Variants in PIP4K2B observed in about 807,000 individuals in gnomAD.
PIP4K2B encodes phosphatidylinositol 5-phosphate 4-kinase type-2 beta.
Under a neutral mutation model 42.0 loss-of-function variants are expected in PIP4K2B, and 3 were observed. The observed-to-expected ratio is 0.07, with a 90% CI of 0.03 to 0.18. The LOEUF (loss-of-function observed/expected upper bound fraction) is 0.18, where lower values mean the gene tolerates loss of function less well. PIP4K2B is among the 10% of genes least tolerant of loss of function. The pLI, the probability that PIP4K2B is intolerant of heterozygous loss-of-function variation, is 1.00. For synonymous variants in PIP4K2B, 204 were observed against 210.1 expected (o/e 0.97, Z 0.25); for missense variants, 332 against 562.3 (o/e 0.59, Z 4.14).
chr17:38,790,386 G>A (rs1368958388), intron 1 of PIP4K2B, among the ~76,000 whole-genome samples: 1 of 152,186 alleles, frequency 6.6e-6, no homozygotes. Context: ...GGAAAACAGA[G>A]ACAAAGAGTT....
intron 7 of PIP4K2B, among the ~76,000 whole-genome samples, chr17:38,772,780 A>T (rs1253472072): frequency 6.6e-6 from 1 of 152,032 alleles, no homozygotes; most frequent in African/African-American, 2.4e-5. Flanking sequence ...CAGTTTCATC[A>T]TGTTGGCCAG....
intron 1 of PIP4K2B, among the ~76,000 whole-genome samples, chr17:38,788,188 T>G (rs1203559370): frequency 2.7e-5 from 4 of 149,780 alleles, no homozygotes; most frequent in African/African-American, 4.9e-5. Flanking sequence ...ATTTATTTAT[T>G]TATTTATTTA....
At position 38,771,210 on chromosome 17, in the gene PIP4K2B, C is replaced by G; in HGVS notation, c.870G>C (p.Arg290=). ...CCACCTCCATCTCCTCCTGCTCTGC[C>G]CGGTCCACGTCGTGGATGCCCACCA... ...SLLVGIHDVD[R]AEQEEMEVEE... The change falls in exon 8 of 10, where the codon CGG becomes CGC. Residue 290 remains arginine (R), a synonymous_variant. Coordinates refer to ENST00000619039, the MANE Select transcript of PIP4K2B (RefSeq NM_003559.5). 4 of 1,614,116 alleles carry G rather than the reference C, an allele frequency of 2.5e-6. No homozygotes were observed. Among genetic ancestry groups the G allele is most frequent in the Non-Finnish European group, 3.4e-6 (4 of 1,180,018 alleles).
chr17:38,779,442 C>A lies in PIP4K2B; in HGVS notation c.595G>T (p.Val199Leu), dbSNP rs1291907969. 1 of 1,613,778 alleles carries A rather than the reference C, an allele frequency of 6.2e-7. No individual in the cohort carries two copies. The highest frequency in any genetic ancestry group is 8.5e-7 in the Non-Finnish European group (1 of 1,179,850). ...LTVDGVETYM[V>L]VTRNVFSHRL... ...TGGCTGAACACGTTCCTGGTAACCACCATGTAGGTTTCCACACCATCCACG... is the reference window on the plus strand; with the variant it reads ...TGGCTGAACACGTTCCTGGTAACCAACATGTAGGTTTCCACACCATCCACG... Residue 199 changes from valine to leucine, a missense_variant, in exon 5 of 10, where the codon GTG becomes TTG. Coordinates refer to ENST00000619039, the MANE Select transcript of PIP4K2B (RefSeq NM_003559.5).
At chr17:38,787,073 T>G (rs1429631194) in intron 1 of PIP4K2B, among the ~76,000 whole-genome samples, 153 bp from the exon 2 acceptor site, 1 of 152,212 alleles carries the variant, frequency 6.6e-6, no homozygotes, top group African/African-American at 2.4e-5. Context: ...TCTCATTCTG[T>G]CACCCAGGCT....
chr17:38,777,593 G>T, intron 7 of PIP4K2B, 94 bp downstream of exon 7: 1 of 855,496 alleles, frequency 1.2e-6, no homozygotes, highest in Non-Finnish European at 2.0e-6. Flanking sequence ...CATACTCCTG[G>T]AAAGTACTGA....
chr17:38,793,428 G>A (rs1910448426), intron 1 of PIP4K2B, among the ~76,000 whole-genome samples: 1 of 151,750 alleles, frequency 6.6e-6, no homozygotes, highest in African/African-American at 2.4e-5. Flanking sequence ...ATTTTTAGTA[G>A]AGACGGGGTT....
chr17:38,772,383 T>A (rs1484760664), intron 7 of PIP4K2B, among the ~76,000 whole-genome samples: 19 of 152,196 alleles, frequency 1.2e-4, no homozygotes. Flanking sequence ...ATGCAGATTA[T>A]CCCTTTGTGC....
In PIP4K2B at chr17:38,788,167, TA is replaced by T. The variant is rs1910138469; in HGVS notation, c.160-1248del. Among the ~76,000 whole-genome samples the T allele has an allele frequency of 4.0e-5, 6 of 148,190 alleles. No individual in the cohort carries two copies. In the South Asian group the frequency reaches 1.3e-3, roughly 32 times the overall value. On this transcript the variant is annotated intron_variant, in intron 1 of 9. Coordinates refer to ENST00000619039, the MANE Select transcript of PIP4K2B (RefSeq NM_003559.5). ...GGACTTGTAACTCATATCCCCAAGGTAATAGATTAAATTTATTTATTTATTT... is the reference window on the plus strand; with the variant it reads ...GGACTTGTAACTCATATCCCCAAGGTATAGATTAAATTTATTTATTTATTT...
At chr17:38,770,388 A>C (rs1209033380) in intron 9 of PIP4K2B, 48 bp downstream of exon 9, 1 of 1,148,934 alleles carries the variant, frequency 8.7e-7, no homozygotes, top group African/African-American at 1.5e-5. Flanking sequence ...GGGTAAGCAC[A>C]GATGCACCGA....
chr17:38,771,437 C>CTAAA (rs25540), intron 7 of PIP4K2B, among the ~76,000 whole-genome samples, 165 bp from the exon 8 acceptor site: 3 of 151,696 alleles, frequency 2.0e-5, no homozygotes, highest in Non-Finnish European at 4.4e-5. Context: ...CGCGAGCTCT[C>CTAAA]TCTAATGGGG....
chr17:38,798,584 T>C (rs889444507), intron 1 of PIP4K2B, among the ~76,000 whole-genome samples: 2 of 152,234 alleles, frequency 1.3e-5, no homozygotes, highest in African/African-American at 2.4e-5. Flanking sequence ...ATTTCTACTA[T>C]GAATAGTCCC....
intron 1 of PIP4K2B, among the ~76,000 whole-genome samples, chr17:38,794,307 TGCCAGGG>T (rs1047969995): frequency 3.3e-5 from 5 of 151,726 alleles, no homozygotes; most frequent in African/African-American, 1.2e-4. Flanking sequence ...GAATGGTGGT[TGCCAGGG>T]GCTGGGGGCG....
rs777751075 is a variant in PIP4K2B, at chr17:38,778,387, G to A, written c.655-15C>T. 2.5e-6 allele frequency: 4 copies of A among 1,613,568 alleles called. No individual in the cohort carries two copies. Among genetic ancestry groups the A allele is most frequent in the Non-Finnish European group, 3.4e-6 (4 of 1,179,576 alleles). On this transcript the variant is annotated splice_polypyrimidine_tract_variant and intron_variant, in intron 5 of 9. Coordinates refer to ENST00000619039, the MANE Select transcript of PIP4K2B (RefSeq NM_003559.5). ...ACCGTAGAACCCTGAAAGGATAAGA[G>A]CCATCAGGGGAAGTCAAGCTGAGGC...
chr17:38,777,341 A>G (rs776004391), intron 7 of PIP4K2B, among the ~76,000 whole-genome samples: 16 of 152,232 alleles, frequency 1.1e-4, no homozygotes, highest in Admixed American at 8.5e-4. Context: ...TTGGGGTTAC[A>G]GGACCTTAAT....
At chr17:38,792,384 T>C (rs1312380128) in intron 1 of PIP4K2B, among the ~76,000 whole-genome samples, 1 of 152,120 alleles carries the variant, frequency 6.6e-6, no homozygotes, top group East Asian at 1.9e-4. Flanking sequence ...GCTCAAGCAA[T>C]CCATCCACCT....
Position 38,779,471 on chromosome 17 carries a change from A to G in PIP4K2B, c.566T>C (p.Leu189Pro). ...GTAGGTTTCCACACCATCCACGGTC[A>G]GGCGGTACATGCCCAGGAACTGTGG... Reference protein sequence around the residue: ...LLPQFLGMYRLTVDGVETYMV... With the variant: ...LLPQFLGMYRPTVDGVETYMV... The change falls in exon 5 of 10, where the codon CTG becomes CCG. Residue 189 changes from leucine (L) to proline (P), a missense_variant. Leu to Pro is a moderately conservative substitution (Grantham distance 98). Transcript: ENST00000619039. 1.9e-6 allele frequency: 3 copies of G among 1,614,082 alleles called. No individual in the cohort carries two copies. The highest frequency in any genetic ancestry group is 2.5e-6 in the Non-Finnish European group (3 of 1,179,932).
chr17:38,784,877 G>T (rs1909923301), intron 2 of PIP4K2B, among the ~76,000 whole-genome samples: 1 of 152,164 alleles, frequency 6.6e-6, no homozygotes, highest in Non-Finnish European at 1.5e-5. Flanking sequence ...TTACTACAGT[G>T]GGAACCTGCA....
chr17:38,782,764 T>C (rs779283370), intron 3 of PIP4K2B, among the ~76,000 whole-genome samples: 1 of 152,040 alleles, frequency 6.6e-6, no homozygotes, highest in African/African-American at 2.4e-5. Flanking sequence ...AACTACTCTA[T>C]CAAAGGGGTG....
Sources: gnomAD v4.1 joint callset for allele counts (sites outside exome capture counted in the v4.1 genomes callset) on GRCh38, gnomAD v4.1.1 for gene constraint, MANE v1.5 for transcripts, NCBI Gene and HGNC (gene_info 2026-07-23, HGNC 2026-07-21) for gene names.